The following EYS variants were observed in gnomAD, a reference collection of about 807,000 sequenced individuals.
EYS encodes the protein protein eyes shut homolog.
A neutral mutation model predicts 282.1 loss-of-function variants in EYS; 250 were observed. The observed-to-expected ratio is 0.89, with a 90% CI of 0.80 to 0.98. The LOEUF (loss-of-function observed/expected upper bound fraction) is 0.98, where lower values mean the gene tolerates loss of function less well. EYS is among the 50% of genes least tolerant of loss of function. The pLI is 0.00. For synonymous variants in EYS, 1,355 were observed against 1,282.9 expected (o/e 1.06, Z -1.20); for missense variants, 4,016 against 3,709.0 (o/e 1.08, Z -2.15).
chr6:65,212,096 T>A (rs992550467), intron 12 of EYS, among the ~76,000 whole-genome samples: 6 of 151,446 alleles, frequency 4.0e-5, no homozygotes, highest in Middle Eastern at 3.4e-3. Context: ...AAAAAAAAAA[T>A]TTAAAAGTCA....
At chr6:64,213,878 CAT>C (rs1305361401) in intron 31 of EYS, among the ~76,000 whole-genome samples, 1 of 152,082 alleles carries the variant, frequency 6.6e-6, no homozygotes, top group African/African-American at 2.4e-5. Context: ...GGCTTTCAAA[CAT>C]ATGTTCAAAC....
chr6:65,672,874 G>T (rs1196948612), intron 1 of EYS, among the ~76,000 whole-genome samples: 2 of 152,090 alleles, frequency 1.3e-5, no homozygotes, highest in East Asian at 3.9e-4. Flanking sequence ...AGTCAGTGAA[G>T]GGAGATGGGG....
chr6:65,371,333 T>C (rs1338705066), intron 8 of EYS, among the ~76,000 whole-genome samples: 3 of 151,686 alleles, frequency 2.0e-5, no homozygotes, highest in African/African-American at 7.2e-5. Context: ...GGAGCATCCA[T>C]GAAGTATCCA....
intron 12 of EYS, among the ~76,000 whole-genome samples, chr6:65,076,788 G>A (rs1774067857): frequency 6.6e-6 from 1 of 151,728 alleles, no homozygotes; most frequent in South Asian, 2.1e-4. Flanking sequence ...GGATCTGGGA[G>A]GCAGAAAGAG....
At chr6:65,424,147 A>G (rs1485522859) in intron 5 of EYS, among the ~76,000 whole-genome samples, 1 of 151,960 alleles carries the variant, frequency 6.6e-6, no homozygotes, top group Non-Finnish European at 1.5e-5. Context: ...ATTTTTCTAT[A>G]CATTCGAAGT....
chr6:64,511,820 G>T (rs563344476), intron 26 of EYS, among the ~76,000 whole-genome samples: 145 of 135,944 alleles, frequency 1.1e-3, no homozygotes, highest in African/African-American at 3.6e-3. Context: ...CTAAATTTTG[G>T]GGGGGGGTGT....
rs559072316 is a variant in EYS at position 64,194,080 on chromosome 6, G to T, written c.6424+36512C>A. ...GTAGAGACGGGGTTTCACCACGTAA[G>T]CCAGGATAGTCTCGACCTTCTGACC... On this transcript the variant is annotated intron_variant, in intron 31 of 42. Coordinates refer to ENST00000503581, the MANE Select transcript of EYS (RefSeq NM_001142800.2). Among the ~76,000 whole-genome samples the T allele has an allele frequency of 2.0e-5, 3 of 152,130 alleles. No homozygotes were observed. In the South Asian group the frequency reaches 6.2e-4, roughly 32 times the overall value.
chr6:65,047,917 T>C (rs950719851), intron 13 of EYS, among the ~76,000 whole-genome samples: 10 of 151,808 alleles, frequency 6.6e-5, no homozygotes, highest in Admixed American at 2.0e-4. Context: ...ACCTGATCAG[T>C]GGAGGGGCAT....
At chr6:64,474,458 A>T (rs1037557643) in intron 26 of EYS, among the ~76,000 whole-genome samples, 1 of 152,230 alleles carries the variant, frequency 6.6e-6, no homozygotes, top group African/African-American at 2.4e-5. Context: ...GCTTAGAATT[A>T]TAGAATGAAT....
At position 63,721,375 on chromosome 6, in the gene EYS, TTCTGCATG is replaced by T. The variant is rs528919874; in HGVS notation, c.8648_8655del (p.Thr2883LysfsTer4). The T allele has an allele frequency of 3.7e-4, 567 of 1,551,816 alleles. 2 individuals are homozygous for T. The highest frequency in any genetic ancestry group is 1.3e-4 in the Non-Finnish European group (148 of 1,146,956). On this transcript the variant is annotated frameshift_variant, in exon 43 of 43. Coordinates refer to ENST00000503581, the MANE Select transcript of EYS (RefSeq NM_001142800.2). LOFTEE classifies it low-confidence loss of function (END_TRUNC). ...CCATTTACTGTACATTCACCTCCAT[TTCTGCATG>T]TGTTGTACCCACAGGCTGTCCCATC...
In EYS at chr6:64,055,961, C is replaced by T. The variant is rs371667412; in HGVS notation, c.6725+10377G>A. On this transcript the variant is annotated intron_variant, in intron 33 of 42. Transcript: ENST00000503581. The stretch of plus-strand genomic sequence containing the variant: ...TGTAGCCATCAGCCTCAATCAGTTA[C>T]GGTGAATACTGTGGTATGCTGCCCA... Among the ~76,000 whole-genome samples the T allele has an allele frequency of 8.0e-4, 122 of 152,168 alleles. No individual in the cohort carries two copies. The East Asian group carries it at 9.7e-3, about 12-fold the overall frequency.
intron 13 of EYS, among the ~76,000 whole-genome samples, chr6:65,052,417 T>C (rs1307696310): frequency 6.6e-6 from 1 of 151,610 alleles, no homozygotes; most frequent in Non-Finnish European, 1.5e-5. Context: ...ACAAAATTCA[T>C]TTTTGGAAGT....
At chr6:64,825,906 T>C (rs199835413) in intron 19 of EYS, among the ~76,000 whole-genome samples, 2 of 110,774 alleles carry the variant, frequency 1.8e-5, no homozygotes, top group East Asian at 4.6e-4. Context: ...AAAGTGCACA[T>C]ATATATATAT....
chr6:64,890,306 A>G (rs1046225709), intron 18 of EYS, among the ~76,000 whole-genome samples: 1 of 151,990 alleles, frequency 6.6e-6, no homozygotes, highest in Non-Finnish European at 1.5e-5. Context: ...GTGATATTCT[A>G]TTACCTTGTA....
intron 2 of EYS, among the ~76,000 whole-genome samples, chr6:65,606,531 C>G (rs538975226): frequency 6.6e-6 from 1 of 151,664 alleles, no homozygotes; most frequent in African/African-American, 2.4e-5. Context: ...CTTTGAATGT[C>G]GCACCATTCT....
intron 35 of EYS, 80 bp downstream of exon 35, chr6:63,984,302 AG>A: frequency 1.0e-6 from 1 of 978,052 alleles, no homozygotes; most frequent in Non-Finnish European, 1.6e-6. Flanking sequence ...CGTCTCTCAG[AG>A]GACAATACTG....
chr6:64,851,535 T>G (rs967791757), intron 19 of EYS, among the ~76,000 whole-genome samples: 1 of 152,064 alleles, frequency 6.6e-6, no homozygotes, highest in Non-Finnish European at 1.5e-5. Flanking sequence ...TTAGAGTTGG[T>G]GCTAAAATGG....
At chr6:64,230,253 A>G (rs1377105021) in intron 31 of EYS, among the ~76,000 whole-genome samples, 1 of 152,216 alleles carries the variant, frequency 6.6e-6, no homozygotes, top group Non-Finnish European at 1.5e-5. Flanking sequence ...AAATAGTATT[A>G]ATTAGAACCT....
chr6:64,897,540 C>A (rs550798323), intron 18 of EYS, among the ~76,000 whole-genome samples: 1 of 152,250 alleles, frequency 6.6e-6, no homozygotes, highest in African/African-American at 2.4e-5. Flanking sequence ...ACCAGAATGC[C>A]TCTTCTTCTC....
Sources: gnomAD v4.1 joint callset for allele counts (sites outside exome capture counted in the v4.1 genomes callset) on GRCh38, gnomAD v4.1.1 for gene constraint, MANE v1.5 for transcripts, NCBI Gene and HGNC (gene_info 2026-07-23, HGNC 2026-07-21) for gene names.